Variants in UBE2D1 observed in about 807,000 individuals in gnomAD.
UBE2D1 encodes ubiquitin-conjugating enzyme E2 D1.
Under a neutral mutation model 24.6 loss-of-function variants are expected in UBE2D1, and 9 were observed. The observed-to-expected ratio is 0.37, with a 90% confidence interval of 0.22 to 0.64. UBE2D1 has a LOEUF of 0.64. Ranked by LOEUF, UBE2D1 falls within the 30% of genes least tolerant of loss-of-function variation. The pLI, the probability that UBE2D1 is intolerant of heterozygous loss-of-function variation, is 0.64. For synonymous variants in UBE2D1, 57 were observed against 57.6 expected, an observed-to-expected ratio of 0.99 and a Z score of 0.04; for missense variants, 87 against 177.1, an observed-to-expected ratio of 0.49 and a Z score of 2.89.
chr10:58,345,210 C>T (rs1840003078), intron 1 of UBE2D1, among the ~76,000 whole-genome samples: 1 of 152,040 alleles, frequency 6.6e-6, no homozygotes, highest in African/African-American at 2.4e-5. Flanking sequence ...GTGGCTCATG[C>T]CTGTAATCCC....
intron 4 of UBE2D1, among the ~76,000 whole-genome samples, 168 bp downstream of exon 4, chr10:58,363,854 T>C (rs1564562446): frequency 6.6e-6 from 1 of 152,162 alleles, no homozygotes; most frequent in Non-Finnish European, 1.5e-5. Context: ...GATTTCTTAT[T>C]GAAATACTGT....
intron 1 of UBE2D1, among the ~76,000 whole-genome samples, chr10:58,351,514 A>G (rs948196653): frequency 6.6e-6 from 1 of 152,098 alleles, no homozygotes; most frequent in Non-Finnish European, 1.5e-5. Flanking sequence ...TTCCACCTCT[A>G]CACCTCCACA....
At chr10:58,344,089 C>T (rs1839990444) in intron 1 of UBE2D1, among the ~76,000 whole-genome samples, 1 of 152,206 alleles carries the variant, frequency 6.6e-6, no homozygotes, top group South Asian at 2.1e-4. Flanking sequence ...AAACACAACG[C>T]TCCTGAAAGC....
chr10:58,361,356 C>T lies in UBE2D1; in HGVS notation c.43C>T (p.Arg15Cys), dbSNP rs769541649. The T allele has an allele frequency of 8.7e-6, 14 of 1,614,148 alleles. No individual in the cohort carries two copies. The highest frequency in any genetic ancestry group is 2.2e-5 in the East Asian group (1 of 44,874). The change falls in exon 2 of 7, where the codon CGC becomes TGC. Residue 15 changes from arginine (R) to cysteine (C), a missense_variant. Physicochemically the swap from Arg to Cys is radical, Grantham distance 180. Coordinates refer to ENST00000373910, the MANE Select transcript of UBE2D1 (RefSeq NM_003338.5). ...RIQKELSDLQ[R>C]DPPAHCSAGP... is the part of the protein sequence containing the mutation. ...CCTTCAGGAATTGAGTGATCTACAG[C>T]GCGATCCACCTGCTCACTGTTCAGC... is the stretch of plus-strand genomic sequence containing the variant.
intron 1 of UBE2D1, among the ~76,000 whole-genome samples, chr10:58,350,724 A>G (rs1840065489): frequency 6.6e-6 from 1 of 152,194 alleles, no homozygotes; most frequent in African/African-American, 2.4e-5. Flanking sequence ...ACTTAAACCT[A>G]CAGTCTATTT....
At chr10:58,367,497 A>G (rs1434752219) in intron 5 of UBE2D1, among the ~76,000 whole-genome samples, 2 of 152,154 alleles carry the variant, frequency 1.3e-5, no homozygotes, top group African/African-American at 4.8e-5. Flanking sequence ...AAAATTTTAC[A>G]AATTTTTCTT....
chr10:58,338,947 T>G (rs770967151), intron 1 of UBE2D1, among the ~76,000 whole-genome samples: 5 of 152,206 alleles, frequency 3.3e-5, no homozygotes, highest in Non-Finnish European at 7.4e-5. Flanking sequence ...GAAACATATA[T>G]AGAGAGACAT....
At chr10:58,360,682 G>A (rs1247780153) in intron 1 of UBE2D1, among the ~76,000 whole-genome samples, 1 of 152,154 alleles carries the variant, frequency 6.6e-6, no homozygotes, top group African/African-American at 2.4e-5. Context: ...TACTTTGGGA[G>A]GCCGAGGCAG....
chr10:58,366,404 C>T (rs1429536032), intron 5 of UBE2D1, among the ~76,000 whole-genome samples: 1 of 152,076 alleles, frequency 6.6e-6, no homozygotes, highest in African/African-American at 2.4e-5. Flanking sequence ...TTAACTGTTA[C>T]CCTTTTCCTT....
At chr10:58,337,224 A>G (rs865902382) in intron 1 of UBE2D1, among the ~76,000 whole-genome samples, 2 of 152,328 alleles carry the variant, frequency 1.3e-5, no homozygotes, top group East Asian at 1.9e-4. Flanking sequence ...ATGACACACC[A>G]TCACATCTCT....
At chr10:58,355,365 G>A (rs1020847641) in intron 1 of UBE2D1, among the ~76,000 whole-genome samples, 1 of 152,178 alleles carries the variant, frequency 6.6e-6, no homozygotes, top group Non-Finnish European at 1.5e-5. Context: ...GAAATAAAAG[G>A]AGCTGTGCTT....
rs528438394 is a variant in UBE2D1, at chr10:58,354,430, AT to A, written c.25-6895del. Among the ~76,000 whole-genome samples, 291 of 145,852 alleles carry A rather than the reference AT, an allele frequency of 2.0e-3. 2 individuals carry two copies. The highest frequency in any genetic ancestry group is 4.4e-3 in the East Asian group (22 of 5,008). Reference sequence around the variant, plus strand: ...ACTTTTTGGTCTCAGTACCCCTTTAATTTTTTTTTTTTTGGTTGCCACTGAA... The same window carrying A: ...ACTTTTTGGTCTCAGTACCCCTTTAATTTTTTTTTTTTGGTTGCCACTGAA... On this transcript the variant is annotated intron_variant, in intron 1 of 6. Coordinates refer to ENST00000373910, the MANE Select transcript of UBE2D1 (RefSeq NM_003338.5).
chr10:58,339,187 C>A (rs1295525547), intron 1 of UBE2D1, among the ~76,000 whole-genome samples: 2 of 152,158 alleles, frequency 1.3e-5, no homozygotes, highest in Non-Finnish European at 2.9e-5. Flanking sequence ...TTTTCTGTGA[C>A]CTCTGCCTCT....
intron 1 of UBE2D1, among the ~76,000 whole-genome samples, chr10:58,360,073 T>C (rs1840177556): frequency 6.6e-6 from 1 of 152,196 alleles, no homozygotes; most frequent in African/African-American, 2.4e-5. Flanking sequence ...CCCTACCTAA[T>C]GCATTTGGTA....
chr10:58,351,832 T>A (rs2132322764), intron 1 of UBE2D1, among the ~76,000 whole-genome samples: 1 of 152,308 alleles, frequency 6.6e-6, no homozygotes, highest in South Asian at 2.1e-4. Flanking sequence ...CACTAAAGCA[T>A]ATGAGTAAGA....
chr10:58,359,675 G>A (rs187275906), intron 1 of UBE2D1, among the ~76,000 whole-genome samples: 47 of 152,246 alleles, frequency 3.1e-4, no homozygotes, highest in Admixed American at 6.5e-4. Context: ...TCCCAGTTCC[G>A]CCCTATAGTA....
At chr10:58,349,040 CT>C (rs1482502842) in intron 1 of UBE2D1, among the ~76,000 whole-genome samples, 3 of 152,102 alleles carry the variant, frequency 2.0e-5, no homozygotes, top group Non-Finnish European at 4.4e-5. Flanking sequence ...CCTTTCAGTA[CT>C]TTTCTTTGTG....
intron 1 of UBE2D1, among the ~76,000 whole-genome samples, chr10:58,349,437 A>T (rs568117539): frequency 6.8e-4 from 103 of 152,296 alleles, no homozygotes; most frequent in Middle Eastern, 3.4e-3. Flanking sequence ...TCAACAATGC[A>T]TTTCAATTTT....
At position 58,337,140 on chromosome 10, in the gene UBE2D1, TAA is replaced by T. The variant is rs11284386; in HGVS notation, c.24+1925_24+1926del. On this transcript the variant is annotated intron_variant, in intron 1 of 6. Coordinates refer to ENST00000373910, the MANE Select transcript of UBE2D1 (RefSeq NM_003338.5). ...GTTATTAGTTTATAGAATTGTTGAGTAAAAAAAAAAATTACTTACATAGAATT... is the reference window on the plus strand; with the variant it reads ...GTTATTAGTTTATAGAATTGTTGAGTAAAAAAAAATTACTTACATAGAATT... 5.2e-4 allele frequency among the ~76,000 whole-genome samples: 79 copies of T among 150,740 alleles called. 1 individual carries two copies. The highest frequency in any genetic ancestry group is 3.4e-3 in the Middle Eastern group (1 of 294).
Sources: gnomAD v4.1 joint callset for allele counts (sites outside exome capture counted in the v4.1 genomes callset) on GRCh38, gnomAD v4.1.1 for gene constraint, MANE v1.5 for transcripts, NCBI Gene and HGNC (gene_info 2026-07-23, HGNC 2026-07-21) for gene names.